The following SFI1 variants were observed in gnomAD, a reference collection of about 807,000 sequenced individuals.
The protein encoded by SFI1 is protein SFI1 homolog.
Under a neutral mutation model 207.5 loss-of-function variants are expected in SFI1, and 195 were observed. The ratio of observed to expected loss-of-function variants is 0.94; its 90% confidence interval spans 0.84 to 1.06. The LOEUF (loss-of-function observed/expected upper bound fraction) is 1.06, where lower values mean the gene tolerates loss of function less well. Ranked by LOEUF, SFI1 falls within the 50% of genes least tolerant of loss-of-function variation. The pLI, the probability that SFI1 is intolerant of heterozygous loss-of-function variation, is 0.00. For synonymous variants in SFI1, 630 were observed against 598.9 expected, an observed-to-expected ratio of 1.05 and a Z score of -0.76; for missense variants, 1,634 against 1,588.0, an observed-to-expected ratio of 1.03 and a Z score of -0.49.
At position 31,616,765 on chromosome 22, in the gene SFI1, TC is replaced by T. The variant is rs760870328; in HGVS notation, c.3323del (p.Pro1108LeufsTer79). ...PARVSAQRAT[P>X]RDKPPVPSSL... The stretch of plus-strand genomic sequence containing the variant: ...TGCAGGTGTCAGCACAGCGGGCTAC[TC>T]CTAGGGATAAGCCCCCGGTCCCCTC... On this transcript the variant is annotated frameshift_variant, in exon 30 of 33. Coordinates refer to ENST00000400288, the MANE Select transcript of SFI1 (RefSeq NM_001007467.3). LOFTEE classifies it high-confidence loss of function. The T allele has an allele frequency of 1.3e-6, 2 of 1,575,558 alleles. No individual in the cohort carries two copies. The highest frequency in any genetic ancestry group is 2.7e-5 in the African/African-American group (2 of 73,270).
chr22:31,581,932 A>G (rs556535192), intron 12 of SFI1, among the ~76,000 whole-genome samples: 5 of 151,982 alleles, frequency 3.3e-5, no homozygotes, highest in East Asian at 1.9e-4. Context: ...ACTCAGAGAC[A>G]TTTTCTTATG....
chr22:31,504,874 G>A (rs1409092573), intron 1 of SFI1, among the ~76,000 whole-genome samples: 1 of 152,120 alleles, frequency 6.6e-6, no homozygotes, highest in African/African-American at 2.4e-5. Flanking sequence ...AATCGTGTTG[G>A]ATTATGGGCC....
In SFI1 at chr22:31,509,684, C is replaced by G. The variant is rs139098919; in HGVS notation, c.92+1308C>G. 4.6e-4 allele frequency among the ~76,000 whole-genome samples: 70 copies of G among 152,302 alleles called. No homozygotes were observed. The Middle Eastern group carries it at 0.02, about 44-fold the overall frequency. ...AAACAATACTTTGCGTCCTTCAATT[C>G]AATCAAGTTGACACTTAACATTAAC... is the stretch of plus-strand genomic sequence containing the variant. On this transcript the variant is annotated intron_variant, in intron 2 of 32. Coordinates refer to ENST00000400288, the MANE Select transcript of SFI1 (RefSeq NM_001007467.3).
At chr22:31,564,145 G>A (rs2062012234) in intron 8 of SFI1, among the ~76,000 whole-genome samples, 1 of 151,364 alleles carries the variant, frequency 6.6e-6, no homozygotes, top group Non-Finnish European at 1.5e-5. Context: ...GGCTAACACG[G>A]TGAAACCCCG....
chr22:31,516,745 G>T (rs2056569725), intron 2 of SFI1, among the ~76,000 whole-genome samples: 1 of 150,192 alleles, frequency 6.7e-6, no homozygotes, highest in Non-Finnish European at 1.5e-5. Flanking sequence ...ACCTGAGGTC[G>T]GGAGTTCGAG....
chr22:31,497,346 T>G (rs2052864039), intron 1 of SFI1: 1 of 152,222 alleles, frequency 6.6e-6, no homozygotes, highest in Admixed American at 6.5e-5. Context: ...CACTTACACT[T>G]TGGTAACTAT....
chr22:31,514,738 C>T (rs2056230890), intron 2 of SFI1, among the ~76,000 whole-genome samples: 1 of 151,574 alleles, frequency 6.6e-6, no homozygotes, highest in South Asian at 2.1e-4. Flanking sequence ...TTCTCCATTT[C>T]CGAAATTCAT....
rs181043600 is a variant in SFI1, at chr22:31,521,855, C to T, written c.93-6835C>T. 9.2e-5 allele frequency among the ~76,000 whole-genome samples: 14 copies of T among 151,808 alleles called. No homozygotes were observed. The East Asian group carries it at 2.5e-3, about 27-fold the overall frequency. ...CTTGGCTCACTGTAACCTCCACCTC[C>T]TAGGTTCAAGTGCTGCTTGTGCTTC... On this transcript the variant is annotated intron_variant, in intron 2 of 32. Transcript: ENST00000400288.
In SFI1 at chr22:31,603,881, G is replaced by T; in HGVS notation, c.1881+62G>T. On this transcript the variant is annotated intron_variant, in intron 18 of 32. Coordinates refer to ENST00000400288, the MANE Select transcript of SFI1 (RefSeq NM_001007467.3). ...TTTTGGACAGGTGGGCTGTGTGTCA[G>T]CAGGACTCACAGGCAACATATGGGC... 4.1e-6 allele frequency: 6 copies of T among 1,477,164 alleles called. No homozygotes were observed. The South Asian group carries it at 5.1e-5, about 13-fold the overall frequency. 91.5% of individuals were successfully genotyped at this position (1,477,164 alleles called of 1,614,324 possible).
intron 6 of SFI1, among the ~76,000 whole-genome samples, chr22:31,554,123 C>T (rs2060927691): frequency 6.6e-6 from 1 of 151,628 alleles, no homozygotes; most frequent in South Asian, 2.1e-4. Flanking sequence ...CAGTCATGAG[C>T]CACTGTGCCC....
chr22:31,540,650 G>A (rs1421049935), intron 4 of SFI1, among the ~76,000 whole-genome samples: 1 of 151,062 alleles, frequency 6.6e-6, no homozygotes, highest in Non-Finnish European at 1.5e-5. Flanking sequence ...GCATGATCTC[G>A]GCTCACTGCA....
chr22:31,530,203 AGAC>A (rs2058351100), intron 3 of SFI1, among the ~76,000 whole-genome samples: 2 of 127,812 alleles, frequency 1.6e-5, no homozygotes, highest in South Asian at 5.2e-4. Flanking sequence ...AAAAAAAAAA[AGAC>A]AAGGCCGGGC....
intron 18 of SFI1, 134 bp from the exon 19 acceptor site, chr22:31,604,175 A>G: frequency 2.9e-6 from 2 of 685,346 alleles, no homozygotes; most frequent in Admixed American, 2.6e-5. Context: ...ACCCCTAAGA[A>G]GCACGTATTT....
intron 12 of SFI1, among the ~76,000 whole-genome samples, chr22:31,582,204 T>TATATATATA (rs772735368): frequency 0.046 from 723 of 15,824 alleles, 174 homozygotes; most frequent in Middle Eastern, 0.12. Context: ...CTTTATTACA[T>TATATATATA]TTTATATATA....
At position 31,615,128 on chromosome 22, in the gene SFI1, C is replaced by G; in HGVS notation, c.3149C>G (p.Ala1050Gly). The G allele has an allele frequency of 6.2e-7, 1 of 1,609,010 alleles. No homozygotes were observed. The highest frequency in any genetic ancestry group is 8.5e-7 in the Non-Finnish European group (1 of 1,178,044). ...PSLTRPFLAE[A>G]PTALVPHSPL... ...CTGACGCGGCCCTTCCTGGCAGAGG[C>G]CCCGACAGCACTGGTCCCACACAGC... The change falls in exon 29 of 33, where the codon GCC becomes GGC. Residue 1050 changes from alanine to glycine, a missense_variant. Coordinates refer to ENST00000400288, the MANE Select transcript of SFI1 (RefSeq NM_001007467.3).
chr22:31,597,382 G>A (rs150337825), intron 15 of SFI1, among the ~76,000 whole-genome samples: 1,637 of 152,260 alleles, frequency 0.011, 8 homozygotes, highest in Middle Eastern at 0.031. Flanking sequence ...GACCTTTTCA[G>A]TAAACTTGGT....
At position 31,607,996 on chromosome 22, in the gene SFI1, C is replaced by T; in HGVS notation, c.2217C>T (p.Asp739=). The stretch of plus-strand genomic sequence containing the variant: ...AGATGTATTACCGACAGCAGGAGGA[C>T]TGTGCCATCTGGGAGGCCCAGAAGG... ...SVQMYYRQQE[D]CAIWEAQKVL... The change falls in exon 22 of 33, where the codon GAC becomes GAT. Residue 739 remains aspartate (D), a synonymous_variant. Coordinates refer to ENST00000400288, the MANE Select transcript of SFI1 (RefSeq NM_001007467.3). The T allele has an allele frequency of 1.1e-5, 18 of 1,613,966 alleles. No individual in the cohort carries two copies. Among genetic ancestry groups the T allele is most frequent in the Non-Finnish European group, 1.5e-5 (18 of 1,179,908 alleles).
At chr22:31,571,590 C>G (rs1450366509) in intron 8 of SFI1, among the ~76,000 whole-genome samples, 1 of 151,948 alleles carries the variant, frequency 6.6e-6, no homozygotes, top group Non-Finnish European at 1.5e-5. Flanking sequence ...GCTGAGATTA[C>G]AGGTGTGAGC....
At chr22:31,533,023 G>C (rs1038148643) in intron 4 of SFI1, among the ~76,000 whole-genome samples, 1 of 152,192 alleles carries the variant, frequency 6.6e-6, no homozygotes, top group African/African-American at 2.4e-5. Context: ...ACAGAAAATA[G>C]AGGCGTTAAC....
Sources: gnomAD v4.1 joint callset for allele counts (sites outside exome capture counted in the v4.1 genomes callset) on GRCh38, gnomAD v4.1.1 for gene constraint, MANE v1.5 for transcripts, NCBI Gene and HGNC (gene_info 2026-07-23, HGNC 2026-07-21) for gene names.